Variants in INO80D observed in about 807,000 individuals in gnomAD.
INO80D encodes the protein INO80 complex subunit D.
In INO80D, 21 loss-of-function variants were observed where a neutral mutation model predicts 87.6. The observed-to-expected ratio is 0.24, with a 90% CI of 0.17 to 0.35. The LOEUF (loss-of-function observed/expected upper bound fraction) is 0.35. INO80D is among the 10% of genes least tolerant of loss of function. INO80D has a pLI of 1.00. For synonymous variants in INO80D, 440 were observed against 491.0 expected, an observed-to-expected ratio of 0.90 and a Z score of 1.37; for missense variants, 982 against 1,280.7, an observed-to-expected ratio of 0.77 and a Z score of 3.56.
chr2:206,007,301 T>C lies in INO80D; in HGVS notation c.1901A>G (p.Asp634Gly). The change falls in exon 10 of 11, where the codon GAT becomes GGT. Residue 634 changes from aspartate to glycine, a missense_variant. Transcript: ENST00000403263. ...VLPRLPDDLQDFDFFEGKNGD... is the reference protein window; with the variant it reads ...VLPRLPDDLQGFDFFEGKNGD... Reference sequence around the variant, plus strand: ...GACTATACCTTCAAAAAAATCAAAATCTTGTAAGTCATCAGGTAGCCGTGG... The same window carrying C: ...GACTATACCTTCAAAAAAATCAAAACCTTGTAAGTCATCAGGTAGCCGTGG... The C allele has an allele frequency of 6.2e-7, 1 of 1,612,622 alleles. No individual in the cohort carries two copies. The highest frequency in any genetic ancestry group is 1.1e-5 in the South Asian group (1 of 90,596).
At chr2:206,016,269 T>C (rs1688316934) in intron 8 of INO80D, among the ~76,000 whole-genome samples, 1 of 152,208 alleles carries the variant, frequency 6.6e-6, no homozygotes, top group African/African-American at 2.4e-5. Context: ...AAGGAGATGA[T>C]TTTGGAGCTT....
In INO80D at chr2:205,995,292, T is replaced by G. The variant is rs1687789681; in HGVS notation, c.*9076A>C. The G allele has an allele frequency of 6.6e-6, 1 of 152,198 alleles. No homozygotes were observed. Among genetic ancestry groups the G allele is most frequent in the Non-Finnish European group, 1.5e-5 (1 of 68,014 alleles). 9.4% of individuals were successfully genotyped at this position (152,198 alleles called of 1,614,324 possible). ...CTTACTCTCATGGGACAGATGGCAT[T>G]TTTAAAATGACAGTCTCCCTTTCAG... On this transcript the variant is annotated 3_prime_UTR_variant, in exon 11 of 11. Coordinates refer to ENST00000403263, the MANE Select transcript of INO80D (RefSeq NM_017759.5).
intron 1 of INO80D, among the ~76,000 whole-genome samples, chr2:206,080,238 G>A (rs1245938572): frequency 6.6e-6 from 1 of 152,122 alleles, no homozygotes; most frequent in African/African-American, 2.4e-5. Flanking sequence ...AACATGCCCA[G>A]GACTCTAAAG....
intron 5 of INO80D, among the ~76,000 whole-genome samples, chr2:206,039,436 G>A (rs1175497188): frequency 6.6e-6 from 1 of 152,050 alleles, no homozygotes; most frequent in East Asian, 1.9e-4. Context: ...TATAAACGAT[G>A]TTCCTGCTAT....
At chr2:206,033,672 C>A (rs561712144) in intron 5 of INO80D, among the ~76,000 whole-genome samples, 1 of 152,088 alleles carries the variant, frequency 6.6e-6, no homozygotes, top group South Asian at 2.1e-4. Context: ...GGTCACACCT[C>A]AAGGAAGTAG....
rs557166000 is a variant in INO80D, at chr2:206,026,415, G to T, written c.1298+1696C>A. Among the ~76,000 whole-genome samples the T allele has an allele frequency of 6.9e-4, 104 of 151,688 alleles. 1 individual carries two copies. The highest frequency in any genetic ancestry group is 2.3e-3 in the African/African-American group (95 of 41,384). On this transcript the variant is annotated intron_variant, in intron 6 of 10. Transcript: ENST00000403263. The stretch of plus-strand genomic sequence containing the variant: ...ACAAAAATTGGCTTGGCATGATGGC[G>T]GGCACCTGTAATCCCAGCTACTTGG...
chr2:206,075,039 C>CAAA lies in INO80D; in HGVS notation c.-124+10859_-124+10861dup, dbSNP rs56081344. Among the ~76,000 whole-genome samples the CAAA allele has an allele frequency of 1.2e-3, 136 of 117,704 alleles. 7 individuals are homozygous for CAAA. The highest frequency in any genetic ancestry group is 8.1e-3 in the East Asian group (33 of 4,098). The allele number at this position is 117,704 out of a possible 152,430, so 77.2% of individuals were successfully genotyped here. ...GGATGACAAGAGCGAAACTCCATCT[C>CAAA]AAAAAAAAAAAAAAAATTCCTCTTT... On this transcript the variant is annotated intron_variant, in intron 1 of 10. Coordinates refer to ENST00000403263, the MANE Select transcript of INO80D (RefSeq NM_017759.5).
chr2:206,003,012 C>G lies in INO80D; in HGVS notation c.*1356G>C, dbSNP rs1309544177. 2 of 152,120 alleles carry G rather than the reference C, an allele frequency of 1.3e-5. No individual in the cohort carries two copies. The highest frequency in any genetic ancestry group is 6.5e-5 in the Admixed American group (1 of 15,270). The allele number at this position is 152,120 out of a possible 1,614,324, so 9.4% of individuals were successfully genotyped here. A position where few individuals can be genotyped will look rare whatever the true frequency, so the allele number is the denominator to read the frequency against. ...ATCTCATAGTCACAAACTTCCTAAA[C>G]TACCCCATATGATCTTTAACCCCTA... On this transcript the variant is annotated 3_prime_UTR_variant, in exon 11 of 11. Coordinates refer to ENST00000403263, the MANE Select transcript of INO80D (RefSeq NM_017759.5).
chr2:206,019,523 T>C lies in INO80D; in HGVS notation c.1408+213A>G, dbSNP rs1688403680. On this transcript the variant is annotated intron_variant, in intron 7 of 10. Coordinates refer to ENST00000403263, the MANE Select transcript of INO80D (RefSeq NM_017759.5). ...AGTGACAGACACTGGAGGAACCTGCTATTTGCTATCAATTTTGCTTATTTT... is the reference window on the plus strand; with the variant it reads ...AGTGACAGACACTGGAGGAACCTGCCATTTGCTATCAATTTTGCTTATTTT... Among the ~76,000 whole-genome samples the C allele has an allele frequency of 5.3e-5, 8 of 152,246 alleles. No homozygotes were observed. In the South Asian group the frequency reaches 1.7e-3, roughly 31 times the overall value.
At position 206,004,049 on chromosome 2, in the gene INO80D, G is replaced by A; in HGVS notation, c.*319C>T. 2.7e-6 allele frequency: 1 copy of A among 372,876 alleles called. No homozygotes were observed. Among genetic ancestry groups the A allele is most frequent in the Non-Finnish European group, 5.0e-6 (1 of 200,414 alleles). The allele number at this position is 372,876 out of a possible 1,614,324, so 23.1% of individuals were successfully genotyped here. On this transcript the variant is annotated 3_prime_UTR_variant, in exon 11 of 11. Coordinates refer to ENST00000403263, the MANE Select transcript of INO80D (RefSeq NM_017759.5). This position sits in a 1 kb window ranked among gnomAD's most constrained non-coding sequence, Gnocchi z 4.9. ...TCTGAATACTAGGAAATAGTAAAGG[G>A]CACTGGTATTCTGAGGTATCTTCCA... is the stretch of plus-strand genomic sequence containing the variant.
chr2:206,056,905 G>C lies in INO80D; in HGVS notation c.257C>G (p.Pro86Arg). ...ATTCTTTTTCTTCCTCTCTTTTTTC[G>C]GGATAAAGCCAAGTACCTGCAAGTG... ...NSHLQVLGFIPKKERKKKNDP... is the reference protein window; with the variant it reads ...NSHLQVLGFIRKKERKKKNDP... Residue 86 changes from proline to arginine, a missense_variant, in exon 4 of 11, where the codon CCG becomes CGG. Coordinates refer to ENST00000403263, the MANE Select transcript of INO80D (RefSeq NM_017759.5). 1 of 1,605,834 alleles carries C rather than the reference G, an allele frequency of 6.2e-7. No individual in the cohort carries two copies. The highest frequency in any genetic ancestry group is 8.5e-7 in the Non-Finnish European group (1 of 1,174,148).
intron 5 of INO80D, among the ~76,000 whole-genome samples, chr2:206,037,422 C>T (rs1365721679): frequency 6.6e-6 from 1 of 152,078 alleles, no homozygotes; most frequent in East Asian, 1.9e-4. Flanking sequence ...AAGAGGCATA[C>T]ATATTAAGAA....
In INO80D at chr2:205,999,507, C is replaced by T. The variant is rs1443827562; in HGVS notation, c.*4861G>A. On this transcript the variant is annotated 3_prime_UTR_variant, in exon 11 of 11. Coordinates refer to ENST00000403263, the MANE Select transcript of INO80D (RefSeq NM_017759.5). Reference sequence around the variant, plus strand: ...CAATTTGCTTGCTCTCTCTCTGAAACGTCACATTTCCTCTTATTAGCTCTG... The same window carrying T: ...CAATTTGCTTGCTCTCTCTCTGAAATGTCACATTTCCTCTTATTAGCTCTG... 3.9e-5 allele frequency: 6 copies of T among 152,208 alleles called. No homozygotes were observed. The highest frequency in any genetic ancestry group is 2.1e-4 in the South Asian group (1 of 4,820). 9.4% of individuals were successfully genotyped at this position (152,208 alleles called of 1,614,324 possible).
At chr2:206,009,053 T>C (rs1688100687) in intron 9 of INO80D, among the ~76,000 whole-genome samples, 1 of 152,268 alleles carries the variant, frequency 6.6e-6, no homozygotes, top group Admixed American at 6.5e-5. Flanking sequence ...TTCATGCCTG[T>C]ATTCCCAGCA....
At chr2:206,059,375 A>T (rs1451832241) in intron 3 of INO80D, among the ~76,000 whole-genome samples, 1 of 152,002 alleles carries the variant, frequency 6.6e-6, no homozygotes, top group Non-Finnish European at 1.5e-5. Context: ...AGTGAGACTC[A>T]GCCTCAAAAA....
At position 205,998,631 on chromosome 2, in the gene INO80D, G is replaced by C. The variant is rs1402475083; in HGVS notation, c.*5737C>G. The C allele has an allele frequency of 6.6e-6, 1 of 151,936 alleles. No homozygotes were observed. Among genetic ancestry groups the C allele is most frequent in the Non-Finnish European group, 1.5e-5 (1 of 67,984 alleles). 9.4% of individuals were successfully genotyped at this position (151,936 alleles called of 1,614,324 possible). ...CAATAAGTATTCTGAAAGCTCATTG[G>C]GGAAGGAAATTTTTAAATAAAAGTT... On this transcript the variant is annotated 3_prime_UTR_variant, in exon 11 of 11. Coordinates refer to ENST00000403263, the MANE Select transcript of INO80D (RefSeq NM_017759.5).
chr2:206,066,300 A>G (rs1389716187), intron 1 of INO80D, among the ~76,000 whole-genome samples: 1 of 152,078 alleles, frequency 6.6e-6, no homozygotes, highest in East Asian at 1.9e-4. Context: ...AGGTTCCTCA[A>G]AGAGCTACAA....
intron 4 of INO80D, among the ~76,000 whole-genome samples, chr2:206,055,715 T>A (rs980943065): frequency 6.6e-6 from 1 of 152,234 alleles, no homozygotes; most frequent in Admixed American, 6.5e-5. Flanking sequence ...ATCCATGGGA[T>A]CCACATCTGT....
intron 3 of INO80D, among the ~76,000 whole-genome samples, chr2:206,058,659 C>T (rs974011066): frequency 6.6e-6 from 1 of 151,824 alleles, no homozygotes; most frequent in East Asian, 1.9e-4. Context: ...CGCTTGAACC[C>T]GGGGGCAGAG....
Sources: gnomAD v4.1 joint callset for allele counts (sites outside exome capture counted in the v4.1 genomes callset) on GRCh38, gnomAD v4.1.1 for gene constraint, Gnocchi (gnomAD v3.1) non-coding constraint, MANE v1.5 for transcripts, NCBI Gene and HGNC (gene_info 2026-07-23, HGNC 2026-07-21) for gene names.